REN: variants seen among roughly 807,000 people sequenced by gnomAD.
The protein encoded by REN is angiotensin-forming enzyme.
REN carries 42 observed loss-of-function variants against 48.6 expected under a neutral mutation model. The observed-to-expected ratio is 0.86, with a 90% CI of 0.68 to 1.12. The LOEUF is 1.12. Among genes scored for constraint, REN ranks in the 50% most tolerant of loss-of-function variants. REN has a pLI of 0.00. For synonymous variants in REN, 196 were observed against 204.6 expected, an observed-to-expected ratio of 0.96 and a Z score of 0.36; for missense variants, 443 against 527.3, an observed-to-expected ratio of 0.84 and a Z score of 1.57.
At position 204,156,364 on chromosome 1, in the gene REN, A is replaced by ACAGAC. The variant is rs202040411; in HGVS notation, c.819-46_819-45insGTCTG. ...GACAGACAGACAGACAGACAGACAGAAGGCTGATGGGGCACCTCCAGGCTG... is the reference window on the plus strand; with the variant it reads ...GACAGACAGACAGACAGACAGACAGACAGACAGGCTGATGGGGCACCTCCAGGCTG... On this transcript the variant is annotated intron_variant, in intron 7 of 9. Transcript: ENST00000272190. The surrounding 1 kb of genome is among the most constrained non-coding windows in gnomAD (Gnocchi z 4.2). 2.4e-5 allele frequency: 38 copies of ACAGAC among 1,601,658 alleles called. No individual in the cohort carries two copies. The highest frequency in any genetic ancestry group is 2.4e-4 in the Admixed American group (14 of 59,512).
Position 204,154,963 on chromosome 1 carries a change from T to A in REN, c.*53A>T. The stretch of plus-strand genomic sequence containing the variant: ...AGGCAGAGGGGCATCTCAGAGAGTG[T>A]TCCAGCTCTGGGCCAGGGCTGAAGG... On this transcript the variant is annotated 3_prime_UTR_variant, in exon 10 of 10. Transcript: ENST00000272190. 1 of 1,599,688 alleles carries A rather than the reference T, an allele frequency of 6.3e-7. No individual in the cohort carries two copies. The highest frequency in any genetic ancestry group is 1.1e-5 in the South Asian group (1 of 90,666).
chr1:204,155,224 C>G (rs368202198), intron 9 of REN, 47 bp from the exon 10 acceptor site: 552 of 1,601,478 alleles, frequency 3.4e-4, no homozygotes, highest in Admixed American at 5.4e-4. Context: ...CATGAGCATT[C>G]TCCTTTCACC....
In REN at chr1:204,160,653, C is replaced by A. The variant is rs751553609; in HGVS notation, c.399G>T (p.Ser133=). 4.3e-6 allele frequency: 7 copies of A among 1,613,846 alleles called. No individual in the cohort carries two copies. The African/African-American group carries it at 9.3e-5, about 22-fold the overall frequency. Residue 133 remains serine (S), a synonymous_variant, in exon 4 of 10, where the codon TCG becomes TCT. Transcript: ENST00000272190. Reference sequence around the variant, plus strand: ...CATTGTGCTTGTAGCTGGAGGAATCCGAAGCATCGAAGAGCTTGTGATACA... The same window carrying A: ...CATTGTGCTTGTAGCTGGAGGAATCAGAAGCATCGAAGAGCTTGTGATACA... The part of the protein sequence containing the change: ...ACVYHKLFDA[S]DSSSYKHNGT...
chr1:204,161,154 C>T (rs908019791), intron 3 of REN, 138 bp downstream of exon 3: 1 of 993,740 alleles, frequency 1.0e-6, no homozygotes, highest in Non-Finnish European at 1.4e-6. Flanking sequence ...CTCTCCCCTA[C>T]ATGTCAGTGG....
chr1:204,160,674 A>G lies in REN; in HGVS notation c.378T>C (p.Tyr126=), dbSNP rs1164346681. 26 of 1,611,456 alleles carry G rather than the reference A, an allele frequency of 1.6e-5. No individual in the cohort carries two copies. Among genetic ancestry groups the G allele is most frequent in the Non-Finnish European group, 2.1e-5 (25 of 1,177,670 alleles). ...KCSRLYTACV[Y]HKLFDASDSS... ...AATCCGAAGCATCGAAGAGCTTGTG[A>G]TACACTGGCAGGGGGACAGAGGCTC... The change falls in exon 4 of 10, where the codon TAT becomes TAC. Residue 126 remains tyrosine (Y), a synonymous_variant. Coordinates refer to ENST00000272190, the MANE Select transcript of REN (RefSeq NM_000537.4).
chr1:204,162,045 T>C lies in REN; in HGVS notation c.217A>G (p.Thr73Ala). ...TAGTTGGTGAGGATCACGGAGGAGGTGGTGTTGCCAAGTGTCAGCCTCTTC... is the reference window on the plus strand; with the variant it reads ...TAGTTGGTGAGGATCACGGAGGAGGCGGTGTTGCCAAGTGTCAGCCTCTTC... ...PMKRLTLGNT[T>A]SSVILTNYMD... The change falls in exon 2 of 10, where the codon ACC (threonine) becomes GCC (alanine). Residue 73 changes from threonine to alanine, a missense_variant. By Grantham distance (58) the Thr-to-Ala change is moderately conservative. Transcript: ENST00000272190. 1 of 1,613,908 alleles carries C rather than the reference T, an allele frequency of 6.2e-7. No homozygotes were observed. The highest frequency in any genetic ancestry group is 8.5e-7 in the Non-Finnish European group (1 of 1,179,976).
intron 3 of REN, 50 bp from the exon 4 acceptor site, chr1:204,160,728 G>A (rs775152519): frequency 7.7e-6 from 10 of 1,307,098 alleles, no homozygotes; most frequent in Middle Eastern, 1.8e-4. Flanking sequence ...CCCAGACAGG[G>A]GGACTCAGAG....
At chr1:204,159,679 C>G in intron 4 of REN, 84 bp from the exon 5 acceptor site, 1 of 1,183,644 alleles carries the variant, frequency 8.4e-7, no homozygotes. Context: ...ACTAGGGATC[C>G]CAGGGGCACA....
Position 204,155,847 on chromosome 1 carries a change from C to T in REN, c.1032G>A (p.Thr344=), listed in dbSNP as rs149479425. ...GAAATACATAGTCCGCGCTGGTGAG[C>T]GTGTATTCTTTGCCTCCCAGGTGGA... ...ISFHLGGKEY[T]LTSADYVFQE... Residue 344 remains threonine, a synonymous_variant, in exon 9 of 10, where the codon ACG becomes ACA. Transcript: ENST00000272190. 9.1e-5 allele frequency: 147 copies of T among 1,614,030 alleles called. 1 individual carries two copies. In the South Asian group the frequency reaches 9.8e-4, roughly 11 times the overall value.
chr1:204,159,342 C>T (rs1341147701), intron 5 of REN, 57 bp downstream of exon 5: 6 of 1,504,868 alleles, frequency 4.0e-6, no homozygotes, highest in Non-Finnish European at 3.7e-6. Context: ...CCTTCCACTC[C>T]CCATCTCTTC....
At chr1:204,155,735 G>A in intron 9 of REN, 85 bp downstream of exon 9, 1 of 1,047,964 alleles carries the variant, frequency 9.5e-7, no homozygotes, top group Non-Finnish European at 1.5e-6. Context: ...GTTCTAACAT[G>A]ACCTGTGCAT....
Position 204,166,280 on chromosome 1 carries a change from C to T in REN, c.14G>A (p.Arg5Lys). 1.9e-6 allele frequency: 3 copies of T among 1,614,230 alleles called. No homozygotes were observed. In the South Asian group the frequency reaches 3.3e-5, roughly 18 times the overall value. Residue 5 changes from arginine to lysine, a missense_variant, in exon 1 of 10, where the codon AGA becomes AAA. Arg to Lys is a conservative substitution (Grantham distance 26). Coordinates refer to ENST00000272190, the MANE Select transcript of REN (RefSeq NM_000537.4). MDGW[R>K]RMPRWGLLLL... is the part of the protein sequence containing the mutation. Reference sequence around the variant, plus strand: ...CAGCAGTCCCCAGCGAGGCATCCTTCTCCATCCATCCATGCTTCCCTCAGT... The same window carrying T: ...CAGCAGTCCCCAGCGAGGCATCCTTTTCCATCCATCCATGCTTCCCTCAGT...
At position 204,166,224 on chromosome 1, in the gene REN, G is replaced by A. The variant is rs866965047; in HGVS notation, c.70C>T (p.Leu24Phe). 2 of 1,614,182 alleles carry A rather than the reference G, an allele frequency of 1.2e-6. No homozygotes were observed. Among genetic ancestry groups the A allele is most frequent in the African/African-American group, 1.3e-5 (1 of 75,042 alleles). Residue 24 changes from leucine to phenylalanine, a missense_variant, in exon 1 of 10, where the codon CTC becomes TTC. Physicochemically the swap from Leu to Phe is conservative, Grantham distance 22. Transcript: ENST00000272190. ...LLLWGSCTFGLPTDTTTFKRI... is the reference protein window; with the variant it reads ...LLLWGSCTFGFPTDTTTFKRI... ...TTAAAGGTGGTGGTGTCTGTCGGGA[G>A]ACCAAAGGTACAGGAGCCCCAGAGC...
At chr1:204,166,171 C>G (rs201853365) in intron 1 of REN, 25 bp downstream of exon 1, 2 of 1,605,584 alleles carry the variant, frequency 1.2e-6, no homozygotes, top group Non-Finnish European at 1.7e-6. Context: ...CCTCCCACCC[C>G]TTCTCTGCCT....
Position 204,161,424 on chromosome 1 carries a change from G to A in REN, c.250-9C>T. On this transcript the variant is annotated splice_polypyrimidine_tract_variant and intron_variant, in intron 2 of 9. Transcript: ENST00000272190. ...TCGCCATAGTACTGGGTCTGTGGGG[G>A]TAAAAAGAGAGGGCTGGAGGGGCTC... The A allele has an allele frequency of 2.0e-6, 3 of 1,536,292 alleles. No individual in the cohort carries two copies. The highest frequency in any genetic ancestry group is 2.6e-6 in the Non-Finnish European group (3 of 1,136,702).
Position 204,156,283 on chromosome 1 carries a change from G to A in REN, c.855C>T (p.Asp285=), listed in dbSNP as rs778959609. The A allele has an allele frequency of 3.7e-5, 59 of 1,614,052 alleles. No homozygotes were observed. In the Middle Eastern group the frequency reaches 4.9e-4, roughly 13 times the overall value. ...SVGSSTLLCE[D]GCLALVDTGA... ...CGGTGTCTACCAATGCCAGGCAGCC[G>A]TCTTCACAGAGCAAGGTGGATGACC... is the stretch of plus-strand genomic sequence containing the variant. Residue 285 remains aspartate (D), a synonymous_variant, in exon 8 of 10, where the codon GAC becomes GAT. Transcript: ENST00000272190. This position sits in a 1 kb window ranked among gnomAD's most constrained non-coding sequence, Gnocchi z 4.2.
At chr1:204,164,420 C>A (rs1213472387) in intron 1 of REN, among the ~76,000 whole-genome samples, 2 of 152,178 alleles carry the variant, frequency 1.3e-5, no homozygotes, top group Admixed American at 1.3e-4. Context: ...ACACCCTAAG[C>A]ATTTTATAGG....
chr1:204,157,706 T>C (rs1182362008), intron 5 of REN, among the ~76,000 whole-genome samples: 4 of 152,264 alleles, frequency 2.6e-5, no homozygotes, highest in African/African-American at 4.8e-5. Context: ...CACATGCACA[T>C]GTGTGCATGG....
rs753011965 is a variant in REN, at chr1:204,161,274, G to A, written c.373+18C>T. ...GGCAGGGGGATGGAGGAGAGGCACT[G>A]TGGGTCTTAGGTCTCACCACAGGCA... On this transcript the variant is annotated intron_variant, in intron 3 of 9. Coordinates refer to ENST00000272190, the MANE Select transcript of REN (RefSeq NM_000537.4). 11 of 1,585,642 alleles carry A rather than the reference G, an allele frequency of 6.9e-6. No homozygotes were observed. In the East Asian group the frequency reaches 2.3e-4, roughly 32 times the overall value.
Sources: allele counts gnomAD v4.1 joint callset (sites outside exome capture counted in the v4.1 genomes callset), GRCh38; gene constraint gnomAD v4.1.1; non-coding constraint Gnocchi (gnomAD v3.1); transcripts MANE v1.5; gene names NCBI Gene and HGNC (gene_info 2026-07-23, HGNC 2026-07-21).